Variants in SEMA5A observed in about 807,000 individuals in gnomAD.
SEMA5A encodes semaphorin 5A.
A neutral mutation model predicts 135.5 loss-of-function variants in SEMA5A; 55 were observed. The observed-to-expected ratio is 0.41, with a 90% CI of 0.33 to 0.51. The LOEUF (loss-of-function observed/expected upper bound fraction) is 0.51. SEMA5A is among the 20% of genes least tolerant of loss of function. SEMA5A has a pLI of 0.37. For missense variants in SEMA5A, 1,290 were observed against 1,419.9 expected (o/e 0.91, Z 1.47); for synonymous variants, 580 against 546.5 (o/e 1.06, Z -0.85).
intron 12 of SEMA5A, among the ~76,000 whole-genome samples, chr5:9,154,063 ATATATATATAT>A (rs1225989425): frequency 4.0e-5 from 3 of 75,528 alleles, no homozygotes; most frequent in Admixed American, 1.6e-4. Context: ...AAAAAAAAAA[ATATATATATAT>A]ATATATATAT....
intron 3 of SEMA5A, among the ~76,000 whole-genome samples, chr5:9,376,882 A>C (rs986689276): frequency 2.0e-5 from 3 of 152,190 alleles, no homozygotes; most frequent in African/African-American, 7.2e-5. Flanking sequence ...ATTGGGCAAC[A>C]TTTACAAAAC....
At chr5:9,150,428 T>C (rs1032651272) in intron 12 of SEMA5A, among the ~76,000 whole-genome samples, 1 of 152,214 alleles carries the variant, frequency 6.6e-6, no homozygotes, top group African/African-American at 2.4e-5. Flanking sequence ...ATGAGTTAGC[T>C]TTGTCTTTTG....
intron 16 of SEMA5A, among the ~76,000 whole-genome samples, chr5:9,100,270 T>G (rs1739553593): frequency 6.6e-6 from 1 of 152,182 alleles, no homozygotes. Flanking sequence ...AAGCCAGGTG[T>G]AGATGTGCTT....
At chr5:9,429,614 A>G (rs576765954) in intron 2 of SEMA5A, among the ~76,000 whole-genome samples, 122 of 152,382 alleles carry the variant, frequency 8.0e-4, no homozygotes, top group African/African-American at 2.7e-3. Flanking sequence ...TTGATCAGGA[A>G]TATCTCCTGA....
At chr5:9,225,593 A>G (rs114564836) in intron 7 of SEMA5A, among the ~76,000 whole-genome samples, 1,562 of 150,374 alleles carry the variant, frequency 0.01, 22 homozygotes, top group African/African-American at 0.036. Flanking sequence ...AAAATTATGT[A>G]TAATTCTATC....
intron 8 of SEMA5A, among the ~76,000 whole-genome samples, chr5:9,221,460 G>C (rs866963403): frequency 6.6e-6 from 1 of 151,532 alleles, no homozygotes; most frequent in Non-Finnish European, 1.5e-5. Flanking sequence ...CCACCACCAC[G>C]CCCGGCTAAT....
chr5:9,213,559 G>A (rs1419046006), intron 8 of SEMA5A, among the ~76,000 whole-genome samples: 2 of 152,190 alleles, frequency 1.3e-5, no homozygotes, highest in Admixed American at 6.5e-5. Flanking sequence ...TTGTCTGGGG[G>A]AAGAGCTTTC....
At chr5:9,125,574 T>G (rs546056597) in intron 13 of SEMA5A, among the ~76,000 whole-genome samples, 36 of 152,204 alleles carry the variant, frequency 2.4e-4, no homozygotes, top group Non-Finnish European at 3.8e-4. Context: ...CAACTCCCAT[T>G]TATGAGTGAG....
intron 5 of SEMA5A, among the ~76,000 whole-genome samples, chr5:9,254,262 A>T (rs1005054193): frequency 2.0e-5 from 3 of 152,220 alleles, no homozygotes; most frequent in African/African-American, 7.2e-5. Context: ...GGCAAGAGAA[A>T]AAAAGTAATT....
In SEMA5A at chr5:9,064,187, T is replaced by A. The variant is rs909188501; in HGVS notation, c.2300-1082A>T. 5.3e-5 allele frequency among the ~76,000 whole-genome samples: 8 copies of A among 152,128 alleles called. 1 individual carries two copies. Among genetic ancestry groups the A allele is most frequent in the African/African-American group, 1.9e-4 (8 of 41,408 alleles). On this transcript the variant is annotated intron_variant, in intron 17 of 22. Transcript: ENST00000382496. Reference sequence around the variant, plus strand: ...TGATAAATTAGTATTCTGTGGTGAATCAATAAAGAAAAACTATGCACAAAT... The same window carrying A: ...TGATAAATTAGTATTCTGTGGTGAAACAATAAAGAAAAACTATGCACAAAT...
intron 2 of SEMA5A, among the ~76,000 whole-genome samples, chr5:9,385,786 G>A (rs1234924874): frequency 1.4e-5 from 2 of 140,072 alleles, no homozygotes; most frequent in Non-Finnish European, 3.1e-5. Flanking sequence ...AGAAGGAGTT[G>A]GAAAGCGCTT....
At chr5:9,100,143 A>C (rs560372071) in intron 16 of SEMA5A, among the ~76,000 whole-genome samples, 91 of 152,334 alleles carry the variant, frequency 6.0e-4, no homozygotes, top group African/African-American at 2.2e-3. Flanking sequence ...TCACCAGTCC[A>C]TGGGACCTGT....
rs1368794731 is a variant in SEMA5A, at chr5:9,545,289, G to A, written c.-175+295C>T. ...GGGTGTTGGGCAGGGGTCCCGTCTC[G>A]CCCACCGCGACACTCCGGCTCCTTA... On this transcript the variant is annotated intron_variant, in intron 1 of 22. Coordinates refer to ENST00000382496, the MANE Select transcript of SEMA5A (RefSeq NM_003966.3). The surrounding 1 kb of genome is among the most constrained non-coding windows in gnomAD (Gnocchi z 4.5). Among the ~76,000 whole-genome samples, 2 of 152,178 alleles carry A rather than the reference G, an allele frequency of 1.3e-5. No individual in the cohort carries two copies. Among genetic ancestry groups the A allele is most frequent in the East Asian group, 2.0e-4 (1 of 5,128 alleles).
intron 1 of SEMA5A, among the ~76,000 whole-genome samples, chr5:9,480,088 T>C (rs1243918003): frequency 3.5e-5 from 2 of 57,918 alleles, no homozygotes; most frequent in East Asian, 4.8e-4. Flanking sequence ...CTGTGCACTG[T>C]AGGACATTCA....
chr5:9,236,635 A>G (rs1051306484), intron 6 of SEMA5A, among the ~76,000 whole-genome samples: 3 of 152,180 alleles, frequency 2.0e-5, no homozygotes, highest in African/African-American at 7.2e-5. Flanking sequence ...TTCTTTGACA[A>G]TTGGAGTACC....
chr5:9,048,218 G>A (rs1055705679), intron 21 of SEMA5A, among the ~76,000 whole-genome samples: 33 of 152,258 alleles, frequency 2.2e-4, no homozygotes, highest in African/African-American at 7.5e-4. Context: ...CAATGCTTTT[G>A]GATAATTTTA....
At chr5:9,216,115 T>C (rs1746608171) in intron 8 of SEMA5A, among the ~76,000 whole-genome samples, 1 of 152,226 alleles carries the variant, frequency 6.6e-6, no homozygotes, top group African/African-American at 2.4e-5. Context: ...AACTTTTTGA[T>C]GTGAACATTT....
At chr5:9,297,453 C>T in intron 5 of SEMA5A, among the ~76,000 whole-genome samples, 1 of 152,162 alleles carries the variant, frequency 6.6e-6, no homozygotes, top group Non-Finnish European at 1.5e-5. Context: ...AGTCAGTCGC[C>T]ACTTCCACTA....
chr5:9,304,183 T>G (rs1322690822), intron 5 of SEMA5A, among the ~76,000 whole-genome samples: 1 of 152,176 alleles, frequency 6.6e-6, no homozygotes, highest in Non-Finnish European at 1.5e-5. Flanking sequence ...TTATCTTTGT[T>G]GTCTATATAA....
Sources: allele counts gnomAD v4.1 joint callset (sites outside exome capture counted in the v4.1 genomes callset), GRCh38; gene constraint gnomAD v4.1.1; non-coding constraint Gnocchi (gnomAD v3.1); transcripts MANE v1.5; gene names NCBI Gene and HGNC (gene_info 2026-07-23, HGNC 2026-07-21).